RGS6: variants seen among roughly 807,000 people sequenced by gnomAD.
The protein encoded by RGS6 is regulator of G-protein signaling 6.
RGS6 carries 30 observed loss-of-function variants against 78.5 expected under a neutral mutation model. The observed-to-expected ratio is 0.38, with a 90% CI of 0.29 to 0.52. RGS6 has a LOEUF of 0.52. Among genes scored for constraint, RGS6 ranks in the 20% least tolerant of loss-of-function variants. The pLI is 0.85. For missense variants in RGS6, 495 were observed against 609.7 expected (o/e 0.81, Z 1.98); for synonymous variants, 206 against 206.0 (o/e 1.00, Z 0.00).
intron 2 of RGS6, among the ~76,000 whole-genome samples, chr14:72,002,604 T>TC (rs2083687828): frequency 1.2e-5 from 1 of 85,434 alleles, no homozygotes; most frequent in Non-Finnish European, 2.9e-5. Context: ...TGCCAACTTT[T>TC]CAAAAAAAAA....
intron 3 of RGS6, among the ~76,000 whole-genome samples, chr14:72,362,831 AC>A (rs1274328821): frequency 2.0e-5 from 3 of 152,218 alleles, no homozygotes; most frequent in Non-Finnish European, 4.4e-5. Context: ...ACATTGGGAG[AC>A]ACGATTCATT....
the RGS6 span, among the ~76,000 whole-genome samples, chr14:71,926,448 G>T: frequency 6.6e-6 from 1 of 152,102 alleles, no homozygotes; most frequent in African/African-American, 2.4e-5. Context: ...GCCAGATGTG[G>T]TGGTGCATGC....
At chr14:72,070,665 C>G (rs1429765480) in intron 2 of RGS6, among the ~76,000 whole-genome samples, 1 of 152,144 alleles carries the variant, frequency 6.6e-6, no homozygotes, top group Non-Finnish European at 1.5e-5. Flanking sequence ...CCATGTGGCT[C>G]CACTCTAAAT....
At chr14:72,532,975 G>T (rs2097201075) in intron 15 of RGS6, among the ~76,000 whole-genome samples, 1 of 152,236 alleles carries the variant, frequency 6.6e-6, no homozygotes, top group Non-Finnish European at 1.5e-5. Flanking sequence ...CATTGATGAA[G>T]GTGGCTACAG....
intron 17 of RGS6, chr14:72,541,237 T>A: frequency 6.9e-7 from 1 of 1,439,906 alleles, no homozygotes; most frequent in African/African-American, 1.4e-5. Context: ...ACTGTGTGAC[T>A]GGTATACGTA....
intron 2 of RGS6, among the ~76,000 whole-genome samples, chr14:72,255,389 A>G (rs2056856045): frequency 6.6e-6 from 1 of 152,152 alleles, no homozygotes; most frequent in Non-Finnish European, 1.5e-5. Context: ...CAGGGTGAAG[A>G]CAGTATAGAA....
At chr14:72,222,208 A>C (rs1038848555) in intron 2 of RGS6, among the ~76,000 whole-genome samples, 1 of 152,182 alleles carries the variant, frequency 6.6e-6, no homozygotes, top group African/African-American at 2.4e-5. Flanking sequence ...CCCACCTCCA[A>C]GAGATCTGCT....
At chr14:72,324,407 G>A (rs1046567764) in intron 2 of RGS6, among the ~76,000 whole-genome samples, 12 of 151,894 alleles carry the variant, frequency 7.9e-5, no homozygotes, top group African/African-American at 2.7e-4. Flanking sequence ...TGCACAACGT[G>A]CATGTTTGTT....
chr14:72,579,574 C>T, the RGS6 span, among the ~76,000 whole-genome samples: 2 of 152,154 alleles, frequency 1.3e-5, no homozygotes, highest in Non-Finnish European at 2.9e-5. Flanking sequence ...GTGAGGCATT[C>T]CACAGCCCAG....
intron 2 of RGS6, among the ~76,000 whole-genome samples, chr14:72,320,825 C>A (rs1327124264): frequency 6.6e-6 from 1 of 150,510 alleles, no homozygotes; most frequent in African/African-American, 2.4e-5. Context: ...TTCATCATCT[C>A]ATTTAAACAT....
chr14:72,020,779 C>G (rs2190867), intron 2 of RGS6, among the ~76,000 whole-genome samples: 87,619 of 152,076 alleles, frequency 0.58, 26,452 homozygotes, highest in South Asian at 0.68. Flanking sequence ...ATAAACCACA[C>G]AAAGACCATC....
chr14:72,457,804 T>G (rs2095670089), intron 4 of RGS6, among the ~76,000 whole-genome samples: 1 of 152,162 alleles, frequency 6.6e-6, no homozygotes, highest in African/African-American at 2.4e-5. Context: ...ACTGTCATAT[T>G]GGGGAACGCA....
intron 3 of RGS6, among the ~76,000 whole-genome samples, chr14:72,401,359 A>G (rs889642753): frequency 1.3e-5 from 2 of 152,042 alleles, no homozygotes; most frequent in Non-Finnish European, 2.9e-5. Context: ...TTCAAAGCAG[A>G]GAGGAGAATC....
At chr14:71,889,844 T>C in the RGS6 span, among the ~76,000 whole-genome samples, 1 of 152,176 alleles carries the variant, frequency 6.6e-6, no homozygotes, top group Non-Finnish European at 1.5e-5. Context: ...ACTATTCTCA[T>C]GATGCTGAGT....
At chr14:72,598,191 A>T in the RGS6 span, among the ~76,000 whole-genome samples, 1 of 152,160 alleles carries the variant, frequency 6.6e-6, no homozygotes, top group Non-Finnish European at 1.5e-5. Context: ...CAGGGCCAGC[A>T]CCTAGAACCT....
intron 3 of RGS6, among the ~76,000 whole-genome samples, chr14:72,384,276 C>T (rs1458228239): frequency 2.0e-5 from 3 of 152,164 alleles, no homozygotes; most frequent in Non-Finnish European, 4.4e-5. Context: ...TTGCATTTTA[C>T]TGTTGCATTT....
At chr14:72,204,908 G>A (rs1051650068) in intron 2 of RGS6, among the ~76,000 whole-genome samples, 6 of 152,142 alleles carry the variant, frequency 3.9e-5, no homozygotes, top group Non-Finnish European at 7.3e-5. Context: ...TTTAATATAA[G>A]ATTAAATAGA....
intron 15 of RGS6, among the ~76,000 whole-genome samples, chr14:72,528,287 T>C (rs916232047): frequency 3.3e-5 from 5 of 152,212 alleles, no homozygotes. Context: ...TCGGACTCTA[T>C]TGATTCTAGT....
At chr14:71,975,584 G>A (rs891048624) in intron 2 of RGS6, among the ~76,000 whole-genome samples, 6 of 151,908 alleles carry the variant, frequency 3.9e-5, no homozygotes. Context: ...CCAACCTCCC[G>A]AGTAGCTGGG....
Sources: gnomAD v4.1 joint callset for allele counts (sites outside exome capture counted in the v4.1 genomes callset) on GRCh38, gnomAD v4.1.1 for gene constraint, MANE v1.5 for transcripts, NCBI Gene and HGNC (gene_info 2026-07-23, HGNC 2026-07-21) for gene names.